DCHS2: variants seen among roughly 807,000 people sequenced by gnomAD.
DCHS2 encodes protocadherin-23.
Under a neutral mutation model 182.4 loss-of-function variants are expected in DCHS2, and 142 were observed. The ratio of observed to expected loss-of-function variants is 0.78; its 90% CI spans 0.68 to 0.89. DCHS2 has a LOEUF of 0.89. Ranked by LOEUF, DCHS2 falls within the 40% of genes least tolerant of loss-of-function variation. The probability of loss-of-function intolerance (pLI) is 0.00; values close to 1 mark genes in which losing one functional copy is unlikely to be tolerated. For synonymous variants in DCHS2, 1,740 were observed against 1,663.3 expected (o/e 1.05, Z -1.12); for missense variants, 4,319 against 4,198.6 (o/e 1.03, Z -0.79).
At chr4:154,413,298 C>T (rs1732704099) in intron 1 of DCHS2, among the ~76,000 whole-genome samples, 1 of 152,182 alleles carries the variant, frequency 6.6e-6, no homozygotes, top group Non-Finnish European at 1.5e-5. Flanking sequence ...AAAGTAGAAG[C>T]AATCTTTTCC....
chr4:154,251,743 G>A (rs1264914494), intron 16 of DCHS2, among the ~76,000 whole-genome samples: 2 of 151,902 alleles, frequency 1.3e-5, no homozygotes, highest in African/African-American at 4.8e-5. Flanking sequence ...GGTCTCAAAC[G>A]CCTGACCTCA....
At chr4:154,352,215 G>A (rs148739142) in intron 3 of DCHS2, among the ~76,000 whole-genome samples, 60 of 152,054 alleles carry the variant, frequency 3.9e-4, no homozygotes, top group East Asian at 3.7e-3. Context: ...CTGGTTCCCC[G>A]CTAGTGCCAT....
chr4:154,253,239 G>A (rs938274049), intron 16 of DCHS2, among the ~76,000 whole-genome samples: 3 of 151,978 alleles, frequency 2.0e-5, no homozygotes, highest in African/African-American at 4.8e-5. Context: ...CTCTGTGGCA[G>A]TGTGTAGGGG....
intron 6 of DCHS2, 102 bp downstream of exon 6, chr4:154,329,421 C>G (rs762396658): frequency 1.2e-5 from 15 of 1,219,236 alleles, no homozygotes; most frequent in Admixed American, 2.3e-5. Flanking sequence ...TGCTTTGCCA[C>G]ACCAAGACTG....
intron 18 of DCHS2, 112 bp from the exon 19 acceptor site, chr4:154,239,414 A>G: frequency 6.7e-7 from 1 of 1,489,228 alleles, no homozygotes. Flanking sequence ...GAAACCATAC[A>G]ATACAACCTG....
At position 154,422,485 on chromosome 4, in the gene DCHS2, C is replaced by T. The variant is rs565771643; in HGVS notation, c.2053-45041G>A. On this transcript the variant is annotated intron_variant, in intron 1 of 19. Transcript: ENST00000357232. ...AATATATCCTGAAACATCCACTATT[C>T]TCCTTCTCTATCAGAACCCTGGGCT... Among the ~76,000 whole-genome samples the T allele has an allele frequency of 5.3e-5, 8 of 152,284 alleles. No homozygotes were observed. The South Asian group carries it at 1.7e-3, about 32-fold the overall frequency.
At chr4:154,438,015 A>C (rs1333882983) in intron 1 of DCHS2, among the ~76,000 whole-genome samples, 1 of 151,978 alleles carries the variant, frequency 6.6e-6, no homozygotes, top group Non-Finnish European at 1.5e-5. Context: ...CCTAAAAAAA[A>C]GTTAATAAAA....
intron 1 of DCHS2, among the ~76,000 whole-genome samples, chr4:154,378,179 T>C (rs1307027513): frequency 6.6e-6 from 1 of 152,108 alleles, no homozygotes. Flanking sequence ...GTACCACTTA[T>C]GTTACCAGCA....
chr4:154,276,812 C>A (rs1020875441), intron 13 of DCHS2, among the ~76,000 whole-genome samples: 2 of 152,170 alleles, frequency 1.3e-5, no homozygotes, highest in Non-Finnish European at 2.9e-5. Flanking sequence ...CATGGGACAC[C>A]AGGCAAGCTC....
intron 14 of DCHS2, among the ~76,000 whole-genome samples, chr4:154,263,046 A>G (rs147209097): frequency 0.01 from 1,537 of 152,294 alleles, 37 homozygotes; most frequent in African/African-American, 0.034. Context: ...GATCTGTCTA[A>G]TGACAACTTA....
chr4:154,334,119 CT>C (rs1189379373), intron 4 of DCHS2: 1 of 152,522 alleles, frequency 6.6e-6, no homozygotes, highest in Non-Finnish European at 1.5e-5. Flanking sequence ...ATTCAAATAC[CT>C]TTTTTTAAAT....
intron 10 of DCHS2, among the ~76,000 whole-genome samples, chr4:154,314,970 A>C (rs1344733543): frequency 6.6e-6 from 1 of 152,184 alleles, no homozygotes; most frequent in East Asian, 1.9e-4. Flanking sequence ...GTTTAAGATA[A>C]AAACAGAATA....
chr4:154,322,239 A>T (rs1489781243), intron 8 of DCHS2, 92 bp downstream of exon 8: 102 of 1,500,704 alleles, frequency 6.8e-5, no homozygotes, highest in Non-Finnish European at 9.0e-5. Flanking sequence ...TCATATACAT[A>T]CATATTACAT....
chr4:154,266,890 C>T (rs1733302500), intron 14 of DCHS2, among the ~76,000 whole-genome samples: 1 of 152,162 alleles, frequency 6.6e-6, no homozygotes, highest in Non-Finnish European at 1.5e-5. Context: ...GTAGATGACT[C>T]AAAAATTTCT....
chr4:154,467,878 C>T (rs184496417), intron 1 of DCHS2, among the ~76,000 whole-genome samples: 2 of 152,106 alleles, frequency 1.3e-5, no homozygotes, highest in African/African-American at 2.4e-5. Flanking sequence ...CCCTGTAGTC[C>T]GATGAAATCA....
At chr4:154,295,387 C>A (rs530348766) in intron 13 of DCHS2, among the ~76,000 whole-genome samples, 24 of 152,114 alleles carry the variant, frequency 1.6e-4, no homozygotes, top group Non-Finnish European at 2.8e-4. Context: ...AACAAAATAG[C>A]AATGACAGAT....
At chr4:154,333,583 C>A (rs1728623016) in intron 4 of DCHS2, 89 bp from the exon 5 acceptor site, 2 of 1,241,100 alleles carry the variant, frequency 1.6e-6, no homozygotes, top group Non-Finnish European at 2.2e-6. Context: ...CAGTCATCCA[C>A]TGCCTAATGA....
intron 1 of DCHS2, chr4:154,391,379 T>C: frequency 6.7e-7 from 1 of 1,502,362 alleles, no homozygotes; most frequent in South Asian, 1.3e-5. Flanking sequence ...CAGGTTCACA[T>C]ATGGAAATAC....
intron 1 of DCHS2, among the ~76,000 whole-genome samples, chr4:154,424,874 A>G (rs1733257508): frequency 6.6e-6 from 1 of 152,228 alleles, no homozygotes; most frequent in Non-Finnish European, 1.5e-5. Context: ...GGAAGTCTCC[A>G]GCTACAGAGA....
Sources: gnomAD v4.1 joint callset for allele counts (sites outside exome capture counted in the v4.1 genomes callset) on GRCh38, gnomAD v4.1.1 for gene constraint, MANE v1.5 for transcripts, NCBI Gene and HGNC (gene_info 2026-07-23, HGNC 2026-07-21) for gene names.